Variants in FSTL5 observed in about 807,000 individuals in gnomAD.
The protein encoded by FSTL5 is follistatin-related protein 5.
Under a neutral mutation model 89.1 loss-of-function variants are expected in FSTL5, and 62 were observed. The observed-to-expected ratio is 0.70, with a 90% CI of 0.57 to 0.86. The LOEUF is 0.86. FSTL5 is among the 40% of genes least tolerant of loss of function. The pLI is 0.00. For missense variants in FSTL5, 1,057 were observed against 1,001.6 expected (o/e 1.06, Z -0.75); for synonymous variants, 383 against 346.2 (o/e 1.11, Z -1.18).
intron 3 of FSTL5, among the ~76,000 whole-genome samples, chr4:162,012,844 A>C (rs1028165078): frequency 2.0e-5 from 3 of 152,140 alleles, no homozygotes; most frequent in Non-Finnish European, 4.4e-5. Context: ...CATTATATTT[A>C]ATTAGAATTC....
intron 15 of FSTL5, among the ~76,000 whole-genome samples, chr4:161,425,655 G>A (rs1275017757): frequency 6.6e-6 from 1 of 152,186 alleles, no homozygotes; most frequent in Non-Finnish European, 1.5e-5. Flanking sequence ...AGCACAGAAA[G>A]CTGGATGTTC....
chr4:161,705,928 ATGCATGTGTGTGTGTAGATGTGTG>A (rs1738549517), intron 6 of FSTL5, among the ~76,000 whole-genome samples: 2 of 125,704 alleles, frequency 1.6e-5, no homozygotes, highest in Non-Finnish European at 3.3e-5. Context: ...AAAAATACAT[ATGCATGTGTGTGTGTAGATGTGTG>A]TATATATATA....
At chr4:161,810,428 A>C (rs1009951731) in intron 4 of FSTL5, among the ~76,000 whole-genome samples, 7 of 152,200 alleles carry the variant, frequency 4.6e-5, no homozygotes, top group African/African-American at 1.7e-4. Flanking sequence ...AAAGATGGTC[A>C]CAATAATGTG....
chr4:162,158,914 C>T (rs918859480), intron 1 of FSTL5, among the ~76,000 whole-genome samples: 2 of 152,012 alleles, frequency 1.3e-5, no homozygotes, highest in African/African-American at 4.8e-5. Flanking sequence ...TATGAAGCAA[C>T]AAATGTCTTT....
chr4:161,719,493 T>G (rs1480080205), intron 6 of FSTL5, among the ~76,000 whole-genome samples: 2 of 152,198 alleles, frequency 1.3e-5, no homozygotes, highest in Non-Finnish European at 2.9e-5. Context: ...ATTTTTAGAA[T>G]AGTGTTTTCT....
chr4:162,153,245 C>T (rs556470545), intron 1 of FSTL5, among the ~76,000 whole-genome samples: 2 of 151,970 alleles, frequency 1.3e-5, no homozygotes, highest in African/African-American at 4.8e-5. Context: ...TAAAAACATA[C>T]CCTTTTTAGA....
intron 4 of FSTL5, among the ~76,000 whole-genome samples, chr4:161,787,727 C>T (rs11933304): frequency 0.74 from 112,715 of 152,010 alleles, 41,807 homozygotes; most frequent in Admixed American, 0.77. Context: ...TGTGTGCATA[C>T]ATACATAGAA....
At chr4:161,631,878 C>G (rs111868697) in intron 7 of FSTL5, among the ~76,000 whole-genome samples, 1 of 152,066 alleles carries the variant, frequency 6.6e-6, no homozygotes, top group African/African-American at 2.4e-5. Context: ...GGACATTTTA[C>G]AAGAAATTCT....
intron 3 of FSTL5, among the ~76,000 whole-genome samples, chr4:162,033,165 G>T (rs774940567): frequency 3.3e-5 from 5 of 152,248 alleles, no homozygotes; most frequent in Non-Finnish European, 5.9e-5. Context: ...GAATAATGTG[G>T]ACTATGCCAT....
At chr4:161,655,297 T>A (rs1736477549) in intron 7 of FSTL5, among the ~76,000 whole-genome samples, 1 of 152,188 alleles carries the variant, frequency 6.6e-6, no homozygotes, top group African/African-American at 2.4e-5. Context: ...AGCTTTTTTT[T>A]TTCTTGACCT....
chr4:161,795,276 T>C (rs1261139913), intron 4 of FSTL5, among the ~76,000 whole-genome samples: 1 of 152,140 alleles, frequency 6.6e-6, no homozygotes, highest in Non-Finnish European at 1.5e-5. Flanking sequence ...ATCTGACAAT[T>C]CTTGTTGTAT....
At chr4:161,590,114 A>G (rs1394721797) in intron 7 of FSTL5, among the ~76,000 whole-genome samples, 1 of 152,190 alleles carries the variant, frequency 6.6e-6, no homozygotes, top group Non-Finnish European at 1.5e-5. Flanking sequence ...AAATATTAAA[A>G]TCTTTTGCTG....
intron 2 of FSTL5, among the ~76,000 whole-genome samples, chr4:162,049,244 T>A (rs1443122411): frequency 1.3e-5 from 2 of 152,150 alleles, no homozygotes; most frequent in Non-Finnish European, 2.9e-5. Context: ...GAAGATTTGC[T>A]TTTGACTCAA....
intron 4 of FSTL5, among the ~76,000 whole-genome samples, chr4:161,876,663 C>T (rs1732452553): frequency 6.6e-6 from 1 of 151,884 alleles, no homozygotes; most frequent in Admixed American, 6.6e-5. Flanking sequence ...CTGCTGGAGC[C>T]CAGGGATTCA....
At chr4:162,069,246 TTTAA>T (rs1729495041) in intron 2 of FSTL5, among the ~76,000 whole-genome samples, 1 of 152,034 alleles carries the variant, frequency 6.6e-6, no homozygotes, top group African/African-American at 2.4e-5. Flanking sequence ...TAAATTTCCT[TTTAA>T]TTATTTTTAA....
chr4:161,850,789 CTAGA>C (rs1204017633), intron 4 of FSTL5, among the ~76,000 whole-genome samples: 2 of 152,028 alleles, frequency 1.3e-5, no homozygotes, highest in Admixed American at 6.6e-5. Flanking sequence ...CAATGATAGA[CTAGA>C]TAAAGAAAAT....
chr4:161,977,612 C>CAAAAAAAAAAAAAAAAAAAAAAA (rs796909244), intron 3 of FSTL5, among the ~76,000 whole-genome samples: 1 of 95,138 alleles, frequency 1.1e-5, no homozygotes, highest in Non-Finnish European at 2.1e-5. Flanking sequence ...GACTCCGTGT[C>CAAAAAAAAAAAAAAAAAAAAAAA]AAAAAAAAAA....
At chr4:161,988,975 T>G (rs974473858) in intron 3 of FSTL5, among the ~76,000 whole-genome samples, 1 of 152,116 alleles carries the variant, frequency 6.6e-6, no homozygotes, top group East Asian at 1.9e-4. Context: ...GTGGGGCAGA[T>G]TGACAAAGTG....
At chr4:162,151,813 G>A (rs1199061433) in intron 1 of FSTL5, among the ~76,000 whole-genome samples, 1 of 152,112 alleles carries the variant, frequency 6.6e-6, no homozygotes, top group Non-Finnish European at 1.5e-5. Context: ...ACTTCAAAAA[G>A]TTATTTTGCA....
Sources: allele counts gnomAD v4.1 joint callset (sites outside exome capture counted in the v4.1 genomes callset), GRCh38; gene constraint gnomAD v4.1.1; transcripts MANE v1.5; gene names NCBI Gene and HGNC (gene_info 2026-07-23, HGNC 2026-07-21).